Variants in ADCY7 observed in about 807,000 individuals in gnomAD.
ADCY7 encodes the protein adenylate cyclase 7, also known as adenylate cyclase type 7.
ADCY7 carries 72 observed loss-of-function variants against 120.6 expected under a neutral mutation model. That is an observed-to-expected ratio of 0.60 (90% CI 0.49 to 0.73). The LOEUF (loss-of-function observed/expected upper bound fraction) is 0.73. Among genes scored for constraint, ADCY7 ranks in the 30% least tolerant of loss-of-function variants. The pLI is 0.00. For missense variants in ADCY7, 1,227 were observed against 1,486.0 expected, an observed-to-expected ratio of 0.83 and a Z score of 2.87; for synonymous variants, 661 against 628.0, an observed-to-expected ratio of 1.05 and a Z score of -0.78.
chr16:50,290,695 C>T, intron 3 of ADCY7, 35 bp downstream of exon 3: 1 of 1,590,946 alleles, frequency 6.3e-7, no homozygotes, highest in East Asian at 2.2e-5. Flanking sequence ...CCAGCTGCGC[C>T]TTCAGCAGCT....
In ADCY7 at chr16:50,308,809, G is replaced by A. The variant is rs750004342; in HGVS notation, c.2061+17G>A. On this transcript the variant is annotated intron_variant, in intron 17 of 25. Coordinates refer to ENST00000673801, the MANE Select transcript of ADCY7 (RefSeq NM_001114.5). ...ATCAACCTGGTGGGTCCCGTGGTGG[G>A]GAGGCAGGCCTCCGGGGTAGAGGGA... The A allele has an allele frequency of 1.3e-6, 2 of 1,597,868 alleles. No individual in the cohort carries two copies. The highest frequency in any genetic ancestry group is 4.5e-5 in the East Asian group (2 of 44,698).
intron 1 of ADCY7, among the ~76,000 whole-genome samples, chr16:50,277,396 G>T (rs1374184916): frequency 6.6e-6 from 1 of 152,158 alleles, no homozygotes; most frequent in Non-Finnish European, 1.5e-5. Flanking sequence ...ACCTTCACTG[G>T]GGGTTGTACT....
intron 6 of ADCY7, among the ~76,000 whole-genome samples, chr16:50,294,415 G>A (rs1164903368): frequency 6.6e-6 from 1 of 152,198 alleles, no homozygotes; most frequent in East Asian, 1.9e-4. Context: ...GCTCCTGTAG[G>A]CTCTGAATTT....
intron 18 of ADCY7, among the ~76,000 whole-genome samples, chr16:50,309,853 T>A (rs770478686): frequency 1.3e-5 from 2 of 152,176 alleles, no homozygotes; most frequent in African/African-American, 2.4e-5. Flanking sequence ...GTCCTGGCCT[T>A]GGCAGGCTTG....
intron 14 of ADCY7, among the ~76,000 whole-genome samples, chr16:50,306,321 C>T (rs942341842): frequency 6.6e-6 from 1 of 151,772 alleles, no homozygotes; most frequent in East Asian, 1.9e-4. Flanking sequence ...ACCGTCACAA[C>T]GGCCAGCCCA....
intron 10 of ADCY7, among the ~76,000 whole-genome samples, chr16:50,303,515 G>A (rs1444012029): frequency 1.3e-5 from 2 of 152,150 alleles, no homozygotes; most frequent in African/African-American, 4.8e-5. Context: ...CTCATCTCTG[G>A]TGGCCTTGTG....
chr16:50,309,655 G>C lies in ADCY7; in HGVS notation c.2160+9G>C. The stretch of plus-strand genomic sequence containing the variant: ...TGTGTGAGCCCCTCCCGGTGAGTGC[G>C]CCGGGCCCGGCTCCGTGGCCTCATT... On this transcript the variant is annotated intron_variant, in intron 18 of 25. Transcript: ENST00000673801. The C allele has an allele frequency of 6.2e-7, 1 of 1,605,222 alleles. No individual in the cohort carries two copies. Among genetic ancestry groups the C allele is most frequent in the Non-Finnish European group, 8.5e-7 (1 of 1,179,004 alleles).
intron 1 of ADCY7, among the ~76,000 whole-genome samples, chr16:50,269,406 T>G (rs1366360044): frequency 1.3e-5 from 2 of 152,188 alleles, no homozygotes; most frequent in Non-Finnish European, 2.9e-5. Context: ...TGGTCCTTAC[T>G]GGGAAGATGA....
intron 1 of ADCY7, among the ~76,000 whole-genome samples, chr16:50,269,714 G>A (rs569516345): frequency 9.9e-5 from 15 of 152,246 alleles, no homozygotes; most frequent in Non-Finnish European, 1.9e-4. Flanking sequence ...TTCATACTGA[G>A]GTGACACAGC....
intron 1 of ADCY7, among the ~76,000 whole-genome samples, chr16:50,249,890 A>G (rs919795939): frequency 4.6e-5 from 7 of 151,986 alleles, no homozygotes; most frequent in Non-Finnish European, 1.0e-4. Context: ...TGCCTTGAGC[A>G]GCTGTTTGCA....
At chr16:50,309,403 C>T (rs777522881) in intron 17 of ADCY7, 145 bp from the exon 18 acceptor site, 39 of 631,404 alleles carry the variant, frequency 6.2e-5, no homozygotes, top group East Asian at 2.6e-4. Context: ...GTCGGCACGG[C>T]GGCTTGAGCC....
At chr16:50,277,668 G>GT (rs755335071) in intron 1 of ADCY7, among the ~76,000 whole-genome samples, 4,513 of 114,964 alleles carry the variant, frequency 0.039, 242 homozygotes, top group African/African-American at 0.11. Flanking sequence ...ACCATGGTAG[G>GT]TTTTTTTTTT....
At chr16:50,275,579 C>A (rs571488441) in intron 1 of ADCY7, among the ~76,000 whole-genome samples, 1 of 152,170 alleles carries the variant, frequency 6.6e-6, no homozygotes, top group East Asian at 1.9e-4. Context: ...CTTGTCAGAG[C>A]CTTTAATTTG....
At position 50,305,518 on chromosome 16, in the gene ADCY7, G is replaced by C. The variant is rs762915099; in HGVS notation, c.1611G>C (p.Lys537Asn). ...RRTPDRSMSP[K>N]GRSEDDSYDD... ...CTGATTCCAGAAGCATGTCCCCCAAGGGGCGGTCGGAGGATGACTCGTACG... is the reference window on the plus strand; with the variant it reads ...CTGATTCCAGAAGCATGTCCCCCAACGGGCGGTCGGAGGATGACTCGTACG... The change falls in exon 13 of 26, where the codon AAG (lysine) becomes AAC (asparagine). Residue 537 changes from lysine to asparagine, a missense_variant. By Grantham distance (94) the Lys-to-Asn change is moderately conservative (BLOSUM62 0). Around this residue, in one of 5 missense-constraint regions of ADCY7, gnomAD observed 332 missense variants for 455.8 expected, o/e 0.73. Coordinates refer to ENST00000673801, the MANE Select transcript of ADCY7 (RefSeq NM_001114.5). The C allele has an allele frequency of 2.5e-5, 41 of 1,612,252 alleles. No homozygotes were observed. The highest frequency in any genetic ancestry group is 3.5e-5 in the Non-Finnish European group (41 of 1,179,206).
intron 7 of ADCY7, among the ~76,000 whole-genome samples, chr16:50,295,882 G>A (rs116496211): frequency 0.013 from 1,997 of 152,292 alleles, 48 homozygotes; most frequent in African/African-American, 0.045. Flanking sequence ...AGCCTGGGGA[G>A]CACCTAGCCC....
intron 12 of ADCY7, 73 bp downstream of exon 12, chr16:50,305,032 T>C: frequency 2.5e-6 from 4 of 1,580,884 alleles, no homozygotes; most frequent in Non-Finnish European, 3.5e-6. Context: ...GAGCAGCCTC[T>C]GTCCAGTGGG....
chr16:50,284,512 CCG>C (rs1181585750), intron 1 of ADCY7, among the ~76,000 whole-genome samples: 1 of 152,236 alleles, frequency 6.6e-6, no homozygotes, highest in Non-Finnish European at 1.5e-5. Context: ...ACGTGTCTGG[CCG>C]CCTCAGCTCT....
chr16:50,288,440 T>C, intron 2 of ADCY7, 90 bp downstream of exon 2: 3 of 1,303,674 alleles, frequency 2.3e-6, no homozygotes, highest in Non-Finnish European at 3.1e-6. Context: ...AAAATGCTTA[T>C]CTTCTGTAAA....
chr16:50,278,329 C>T (rs1032164556), intron 1 of ADCY7, among the ~76,000 whole-genome samples: 3 of 152,214 alleles, frequency 2.0e-5, no homozygotes, highest in African/African-American at 7.2e-5. Flanking sequence ...GCGTGAGCCA[C>T]CATGCCTGGC....
Sources: gnomAD v4.1 joint callset for allele counts (sites outside exome capture counted in the v4.1 genomes callset) on GRCh38, gnomAD v4.1.1 for gene constraint, gnomAD v4.1.1 regional missense constraint, MANE v1.5 for transcripts, NCBI Gene and HGNC (gene_info 2026-07-23, HGNC 2026-07-21) for gene names.